Variants in PTPRG observed in about 807,000 individuals in gnomAD.
PTPRG encodes receptor-type tyrosine-protein phosphatase gamma.
In PTPRG, 102 loss-of-function variants were observed where a neutral mutation model predicts 165.3. That is an observed-to-expected ratio of 0.62 (90% CI 0.53 to 0.73). The LOEUF (loss-of-function observed/expected upper bound fraction) is 0.73. PTPRG is among the 30% of genes least tolerant of loss of function. The pLI is 0.00. For missense variants in PTPRG, 1,866 were observed against 1,861.4 expected, an observed-to-expected ratio of 1.00 and a Z score of -0.05; for synonymous variants, 675 against 669.5, an observed-to-expected ratio of 1.01 and a Z score of -0.13.
At chr3:61,954,915 A>C (rs2039997741) in intron 2 of PTPRG, among the ~76,000 whole-genome samples, 1 of 152,202 alleles carries the variant, frequency 6.6e-6, no homozygotes, top group Non-Finnish European at 1.5e-5. Flanking sequence ...TGTGAGTTTG[A>C]TTGAACAGTA....
At chr3:61,779,892 C>T (rs2034494540) in intron 2 of PTPRG, among the ~76,000 whole-genome samples, 1 of 152,276 alleles carries the variant, frequency 6.6e-6, no homozygotes. Flanking sequence ...AATCCATGTC[C>T]GATAGCGAGC....
chr3:62,127,733 G>A (rs1173902788), intron 5 of PTPRG, among the ~76,000 whole-genome samples: 1 of 152,190 alleles, frequency 6.6e-6, no homozygotes, highest in East Asian at 1.9e-4. Flanking sequence ...TAGGATCCAA[G>A]TCAAGGGCCA....
rs11924683 is a variant in PTPRG, at chr3:62,120,762, A to G, written c.616-11840A>G. 9.2e-3 allele frequency among the ~76,000 whole-genome samples: 1,388 copies of G among 150,644 alleles called. 15 individuals are homozygous for G. Among genetic ancestry groups the G allele is most frequent in the African/African-American group, 0.031 (1,277 of 40,938 alleles). On this transcript the variant is annotated intron_variant, in intron 5 of 29. Coordinates refer to ENST00000474889, the MANE Select transcript of PTPRG (RefSeq NM_002841.4). The stretch of plus-strand genomic sequence containing the variant: ...GACTCCATCTCAAAAAAAAAAAAAG[A>G]AAAAGATTGGAAGATGAAAGATTGG...
chr3:62,035,571 T>C (rs1699913323), intron 4 of PTPRG, among the ~76,000 whole-genome samples: 1 of 152,244 alleles, frequency 6.6e-6, no homozygotes, highest in African/African-American at 2.4e-5. Flanking sequence ...TAGCCCTGTC[T>C]CTGAAGTCCT....
chr3:61,764,359 C>G (rs1378770895), intron 2 of PTPRG, among the ~76,000 whole-genome samples: 1 of 152,138 alleles, frequency 6.6e-6, no homozygotes, highest in Non-Finnish European at 1.5e-5. Flanking sequence ...AAGTGTTTAT[C>G]AAGCACAAGC....
intron 2 of PTPRG, among the ~76,000 whole-genome samples, chr3:61,844,099 G>A (rs1575714492): frequency 6.6e-6 from 1 of 152,116 alleles, no homozygotes; most frequent in South Asian, 2.1e-4. Context: ...GAGTAGCTGG[G>A]ATTACAGGCA....
At chr3:61,817,512 T>A (rs1342227230) in intron 2 of PTPRG, among the ~76,000 whole-genome samples, 1 of 152,024 alleles carries the variant, frequency 6.6e-6, no homozygotes, top group African/African-American at 2.4e-5. Flanking sequence ...AATTCTTCCA[T>A]GGAAAAATAA....
chr3:61,838,509 C>T lies in PTPRG; in HGVS notation c.190+89527C>T, dbSNP rs76542184. Among the ~76,000 whole-genome samples, 23 of 152,304 alleles carry T rather than the reference C, an allele frequency of 1.5e-4. No individual in the cohort carries two copies. The East Asian group carries it at 2.1e-3, about 14-fold the overall frequency. ...CCCACAATGTGATATTTTGGCCCCACATGGTGATTAAAATCAGGCTTTTCC... is the reference window on the plus strand; with the variant it reads ...CCCACAATGTGATATTTTGGCCCCATATGGTGATTAAAATCAGGCTTTTCC... On this transcript the variant is annotated intron_variant, in intron 2 of 29. Transcript: ENST00000474889.
chr3:62,279,694 T>TA (rs1422751766), intron 26 of PTPRG, among the ~76,000 whole-genome samples: 1 of 152,094 alleles, frequency 6.6e-6, no homozygotes, highest in Non-Finnish European at 1.5e-5. Context: ...TGTTTCCCCT[T>TA]ATGCTGAGCT....
At chr3:62,248,783 C>G (rs1701347163) in intron 15 of PTPRG, among the ~76,000 whole-genome samples, 1 of 152,166 alleles carries the variant, frequency 6.6e-6, no homozygotes, top group Non-Finnish European at 1.5e-5. Context: ...GAAAATCTAA[C>G]TTTCTAATAA....
chr3:61,982,679 A>T (rs1036497480), intron 2 of PTPRG, among the ~76,000 whole-genome samples: 3 of 151,982 alleles, frequency 2.0e-5, no homozygotes, highest in African/African-American at 7.3e-5. Flanking sequence ...TACTCTTTTT[A>T]ATACCCTCCT....
At position 61,609,954 on chromosome 3, in the gene PTPRG, C is replaced by G. The variant is rs1314615800; in HGVS notation, c.85+47582C>G. Among the ~76,000 whole-genome samples, 3 of 151,282 alleles carry G rather than the reference C, an allele frequency of 2.0e-5. 1 individual carries two copies. Among genetic ancestry groups the G allele is most frequent in the Middle Eastern group, 6.3e-3 (2 of 316 alleles). On this transcript the variant is annotated intron_variant, in intron 1 of 29. Coordinates refer to ENST00000474889, the MANE Select transcript of PTPRG (RefSeq NM_002841.4). ...AAGTTAACAATTAAAGACAGCCCTT[C>G]TATTAATAATGCAGATAACTTTTGA...
chr3:61,622,669 A>G (rs1377336408), intron 1 of PTPRG, among the ~76,000 whole-genome samples: 1 of 152,184 alleles, frequency 6.6e-6, no homozygotes, highest in East Asian at 1.9e-4. Flanking sequence ...TAACTGAACA[A>G]GGTAAAACTT....
At chr3:61,908,314 T>C (rs2038710924) in intron 2 of PTPRG, among the ~76,000 whole-genome samples, 1 of 147,688 alleles carries the variant, frequency 6.8e-6, no homozygotes. Flanking sequence ...TAGTCCCAGC[T>C]ACTCGGGAGG....
chr3:61,800,525 G>A (rs2035198473), intron 2 of PTPRG, among the ~76,000 whole-genome samples: 1 of 151,940 alleles, frequency 6.6e-6, no homozygotes, highest in African/African-American at 2.4e-5. Context: ...TTCCGTATGA[G>A]GTTGGCACAA....
chr3:62,039,457 G>T (rs986825440), intron 4 of PTPRG, among the ~76,000 whole-genome samples: 5 of 152,098 alleles, frequency 3.3e-5, no homozygotes, highest in Non-Finnish European at 5.9e-5. Context: ...GAAACAAGAT[G>T]AGTAATTACT....
At chr3:62,074,434 T>A (rs538281630) in intron 4 of PTPRG, among the ~76,000 whole-genome samples, 1 of 142,380 alleles carries the variant, frequency 7.0e-6, no homozygotes, top group Admixed American at 7.3e-5. Context: ...GTAGCCTCAA[T>A]AGCCTCAACC....
intron 2 of PTPRG, among the ~76,000 whole-genome samples, chr3:61,966,647 T>A (rs2040278624): frequency 6.6e-6 from 1 of 152,304 alleles, no homozygotes; most frequent in Non-Finnish European, 1.5e-5. Context: ...CTCACTTTCC[T>A]TATTCAAGAA....
At chr3:62,054,457 T>C (rs1349273079) in intron 4 of PTPRG, among the ~76,000 whole-genome samples, 1 of 152,192 alleles carries the variant, frequency 6.6e-6, no homozygotes, top group Non-Finnish European at 1.5e-5. Flanking sequence ...TAGCTTGCTG[T>C]TTTCTAACAC....
Sources: allele counts gnomAD v4.1 joint callset (sites outside exome capture counted in the v4.1 genomes callset), GRCh38; gene constraint gnomAD v4.1.1; transcripts MANE v1.5; gene names NCBI Gene and HGNC (gene_info 2026-07-23, HGNC 2026-07-21).